Variants in PDE4D observed in about 807,000 individuals in gnomAD.
PDE4D encodes 3',5'-cyclic-AMP phosphodiesterase 4D.
Under a neutral mutation model 87.4 loss-of-function variants are expected in PDE4D, and 24 were observed. The observed-to-expected ratio is 0.27, with a 90% CI of 0.20 to 0.39. The LOEUF (loss-of-function observed/expected upper bound fraction) is 0.39, where lower values mean the gene tolerates loss of function less well. Ranked by LOEUF, PDE4D falls within the 10% of genes least tolerant of loss-of-function variation. The probability of loss-of-function intolerance (pLI) is 1.00; values close to 1 mark genes in which losing one functional copy is unlikely to be tolerated. For synonymous variants in PDE4D, 384 were observed against 383.2 expected, an observed-to-expected ratio of 1.00 and a Z score of -0.02; for missense variants, 714 against 1,041.0, an observed-to-expected ratio of 0.69 and a Z score of 4.32.
chr5:60,038,168 C>T (rs911535761), intron 2 of PDE4D, among the ~76,000 whole-genome samples: 2 of 152,088 alleles, frequency 1.3e-5, no homozygotes, highest in Admixed American at 1.3e-4. Flanking sequence ...GTTGCCATTG[C>T]TTTTGGTGTT....
intron 1 of PDE4D, among the ~76,000 whole-genome samples, chr5:59,629,795 AT>A (rs1446314890): frequency 6.6e-6 from 1 of 152,190 alleles, no homozygotes; most frequent in African/African-American, 2.4e-5. Context: ...CATTTATCAG[AT>A]GAGAATTTCA....
At chr5:59,074,995 A>G (rs963778674) in intron 5 of PDE4D, among the ~76,000 whole-genome samples, 3 of 151,912 alleles carry the variant, frequency 2.0e-5, no homozygotes, top group African/African-American at 7.3e-5. Context: ...AGAAGACCTG[A>G]GAGACATAAT....
chr5:60,063,516 T>A (rs1253675833), intron 2 of PDE4D, among the ~76,000 whole-genome samples: 1 of 152,112 alleles, frequency 6.6e-6, no homozygotes, highest in Admixed American at 6.6e-5. Context: ...CCTTGCTTGT[T>A]CCTGGGTGTA....
intron 2 of PDE4D, among the ~76,000 whole-genome samples, chr5:60,005,485 T>C (rs1298281877): frequency 1.3e-5 from 2 of 151,610 alleles, no homozygotes; most frequent in African/African-American, 4.8e-5. Flanking sequence ...CACACACACA[T>C]ATACACACAC....
intron 1 of PDE4D, among the ~76,000 whole-genome samples, chr5:59,244,133 T>A (rs1433080468): frequency 6.6e-6 from 1 of 151,742 alleles, no homozygotes; most frequent in East Asian, 1.9e-4. Flanking sequence ...GAATAAAAAA[T>A]TATATATATA....
chr5:59,502,663 A>T (rs796806486), intron 1 of PDE4D, among the ~76,000 whole-genome samples: 1 of 135,258 alleles, frequency 7.4e-6, no homozygotes, highest in African/African-American at 2.8e-5. Flanking sequence ...TCCTTAAGGT[A>T]GTGTGTGTGT....
intron 1 of PDE4D, among the ~76,000 whole-genome samples, chr5:59,866,032 T>C (rs1018836820): frequency 1.3e-5 from 2 of 152,238 alleles, no homozygotes; most frequent in African/African-American, 4.8e-5. Context: ...TGTAATTTGC[T>C]AATAATTTAC....
chr5:60,264,466 T>C (rs547740472), intron 1 of PDE4D, among the ~76,000 whole-genome samples: 19 of 152,348 alleles, frequency 1.2e-4, no homozygotes, highest in Non-Finnish European at 2.6e-4. Flanking sequence ...GCTCTCATTG[T>C]TGCTGGTAAC....
rs144709143 is a variant in PDE4D at position 59,253,687 on chromosome 5, A to C, written c.456-37719T>G. ...TTCATTTTCATAGAATCTCTTTTCT[A>C]TATCTTTCTTAATGTACTTTTAGGC... On this transcript the variant is annotated intron_variant, in intron 1 of 14. Transcript: ENST00000340635. Among the ~76,000 whole-genome samples, 890 of 152,234 alleles carry C rather than the reference A, an allele frequency of 5.8e-3. 11 individuals carry two copies. The highest frequency in any genetic ancestry group is 0.02 in the African/African-American group (848 of 41,558).
At chr5:59,443,746 C>G (rs1300748296) in intron 1 of PDE4D, among the ~76,000 whole-genome samples, 1 of 152,102 alleles carries the variant, frequency 6.6e-6, no homozygotes, top group Non-Finnish European at 1.5e-5. Context: ...AGAGTGGATG[C>G]ATTTGAAATT....
chr5:60,341,813 A>C (rs1372242389), intron 1 of PDE4D, among the ~76,000 whole-genome samples: 1 of 152,144 alleles, frequency 6.6e-6, no homozygotes, highest in Non-Finnish European at 1.5e-5. Context: ...AAAATGTAGT[A>C]ATTATAGGAT....
intron 1 of PDE4D, among the ~76,000 whole-genome samples, chr5:60,352,992 A>G (rs1044595392): frequency 2.6e-5 from 4 of 152,314 alleles, no homozygotes; most frequent in African/African-American, 9.6e-5. Context: ...AGATAACAGA[A>G]TCTACTGTAG....
intron 2 of PDE4D, among the ~76,000 whole-genome samples, chr5:60,106,709 C>G (rs1015433596): frequency 6.6e-6 from 1 of 152,154 alleles, no homozygotes; most frequent in African/African-American, 2.4e-5. Flanking sequence ...GAAACTCATT[C>G]AAAACCACTC....
At position 59,570,574 on chromosome 5, in the gene PDE4D, T is replaced by A. The variant is rs1307758511; in HGVS notation, c.455+322594A>T. The stretch of plus-strand genomic sequence containing the variant: ...TATTGATCCGTGTAAGTCAGCTATA[T>A]CAATTCTACTGATCAAGAAATAGGT... On this transcript the variant is annotated intron_variant, in intron 1 of 14. Transcript: ENST00000340635. Among the ~76,000 whole-genome samples the A allele has an allele frequency of 4.6e-5, 7 of 152,128 alleles. No individual in the cohort carries two copies. In the South Asian group the frequency reaches 1.5e-3, roughly 32 times the overall value.
intron 1 of PDE4D, among the ~76,000 whole-genome samples, chr5:60,395,724 T>C (rs1762841958): frequency 6.6e-6 from 1 of 151,262 alleles, no homozygotes; most frequent in Non-Finnish European, 1.5e-5. Context: ...TAATCTACAC[T>C]GTGTTCTGTT....
chr5:60,060,263 A>G (rs1771248822), intron 2 of PDE4D, among the ~76,000 whole-genome samples: 1 of 152,102 alleles, frequency 6.6e-6, no homozygotes, highest in Admixed American at 6.6e-5. Flanking sequence ...TACTCTAAAA[A>G]GGGAATTTTT....
chr5:59,637,146 G>A (rs1160085001), intron 1 of PDE4D, among the ~76,000 whole-genome samples: 3 of 152,096 alleles, frequency 2.0e-5, no homozygotes, highest in Non-Finnish European at 4.4e-5. Context: ...TATGAAAAAA[G>A]CTCATCATCA....
chr5:60,322,225 TA>T (rs1156782654), intron 1 of PDE4D, among the ~76,000 whole-genome samples: 1 of 152,052 alleles, frequency 6.6e-6, no homozygotes, highest in Non-Finnish European at 1.5e-5. Context: ...TATGCAGCCA[TA>T]AAAAATGAGA....
At chr5:59,104,841 GCTTT>G (rs1297144571) in intron 5 of PDE4D, among the ~76,000 whole-genome samples, 1 of 152,124 alleles carries the variant, frequency 6.6e-6, no homozygotes, top group Non-Finnish European at 1.5e-5. Flanking sequence ...CTAGATGGAT[GCTTT>G]CTTTCTAACT....
Sources: allele counts gnomAD v4.1 joint callset (sites outside exome capture counted in the v4.1 genomes callset), GRCh38; gene constraint gnomAD v4.1.1; transcripts MANE v1.5; gene names NCBI Gene and HGNC (gene_info 2026-07-23, HGNC 2026-07-21).